Variants in FOXP2 observed in about 807,000 individuals in gnomAD.
FOXP2 encodes forkhead box P2.
Under a neutral mutation model 115.8 loss-of-function variants are expected in FOXP2, and 12 were observed. The ratio of observed to expected loss-of-function variants is 0.10; its 90% confidence interval spans 0.07 to 0.17. FOXP2 has a LOEUF of 0.17. Ranked by LOEUF, FOXP2 falls within the 10% of genes least tolerant of loss-of-function variation. The pLI is 1.00. For synonymous variants in FOXP2, 328 were observed against 297.7 expected, an observed-to-expected ratio of 1.10 and a Z score of -1.05; for missense variants, 629 against 843.5, an observed-to-expected ratio of 0.75 and a Z score of 3.15.
chr7:114,482,836 T>C (rs984621317), intron 2 of FOXP2, among the ~76,000 whole-genome samples: 9 of 151,694 alleles, frequency 5.9e-5, no homozygotes, highest in Non-Finnish European at 1.3e-4. Context: ...AATGGAGACA[T>C]GGTTTTAATG....
Position 114,134,617 on chromosome 7 carries a change from G to A in FOXP2, c.-246-28327G>A, listed in dbSNP as rs1427481499. The stretch of plus-strand genomic sequence containing the variant: ...AGTCCCAGCTACTTGGGAGGCTGAG[G>A]CAGGAGAATGGCGTGAACCCGGGAG... On this transcript the variant is annotated intron_variant, in intron 1 of 19. Coordinates refer to the FOXP2 transcript ENST00000635638. Among the ~76,000 whole-genome samples, 14 of 150,536 alleles carry A rather than the reference G, an allele frequency of 9.3e-5. 1 individual carries two copies. The highest frequency in any genetic ancestry group is 9.3e-4 in the Admixed American group (14 of 15,124).
At chr7:114,251,500 A>G (rs1169949950) in intron 1 of FOXP2, among the ~76,000 whole-genome samples, 1 of 152,164 alleles carries the variant, frequency 6.6e-6, no homozygotes, top group Non-Finnish European at 1.5e-5. Context: ...TTCTCCTCGA[A>G]GAAATACTTC....
At chr7:114,124,896 C>G (rs1289321447) in intron 1 of FOXP2, among the ~76,000 whole-genome samples, 1 of 152,032 alleles carries the variant, frequency 6.6e-6, no homozygotes, top group Non-Finnish European at 1.5e-5. Context: ...CATGATTACT[C>G]TAATCCTCAC....
chr7:114,211,443 G>T (rs1794346366), intron 1 of FOXP2, among the ~76,000 whole-genome samples: 1 of 152,214 alleles, frequency 6.6e-6, no homozygotes, highest in Non-Finnish European at 1.5e-5. Flanking sequence ...CTTGGCTGAG[G>T]GTGGGGGTTC....
At chr7:114,226,544 A>G (rs1412090521) in intron 1 of FOXP2, among the ~76,000 whole-genome samples, 2 of 152,166 alleles carry the variant, frequency 1.3e-5, no homozygotes, top group Non-Finnish European at 2.9e-5. Flanking sequence ...TCATTTTAAC[A>G]TGCTATAGCA....
chr7:114,140,943 A>G (rs1792191016), intron 1 of FOXP2, among the ~76,000 whole-genome samples: 1 of 152,352 alleles, frequency 6.6e-6, no homozygotes, highest in African/African-American at 2.4e-5. Flanking sequence ...AAGACTTTGC[A>G]AAGTATTTGT....
chr7:114,396,315 A>G (rs1264182900), intron 2 of FOXP2, among the ~76,000 whole-genome samples: 1 of 152,112 alleles, frequency 6.6e-6, no homozygotes, highest in African/African-American at 2.4e-5. Flanking sequence ...AATGACTTCC[A>G]GTTCCATCCA....
chr7:114,427,925 T>C (rs1373808488), intron 2 of FOXP2, among the ~76,000 whole-genome samples: 4 of 151,704 alleles, frequency 2.6e-5, no homozygotes, highest in African/African-American at 9.7e-5. Flanking sequence ...ACAATAAGTA[T>C]TAGAAAAACA....
chr7:114,383,795 A>G (rs1321380692), intron 2 of FOXP2, among the ~76,000 whole-genome samples: 1 of 152,116 alleles, frequency 6.6e-6, no homozygotes, highest in African/African-American at 2.4e-5. Flanking sequence ...TTCCCATCTG[A>G]AAAAAGAACA....
At chr7:114,133,512 T>C (rs1253846345) in intron 1 of FOXP2, among the ~76,000 whole-genome samples, 1 of 152,220 alleles carries the variant, frequency 6.6e-6, no homozygotes, top group Non-Finnish European at 1.5e-5. Context: ...GACTGAGCCC[T>C]GGGGCGTTCC....
chr7:114,309,871 C>T (rs1461906340), intron 2 of FOXP2, among the ~76,000 whole-genome samples: 1 of 150,894 alleles, frequency 6.6e-6, no homozygotes, highest in Non-Finnish European at 1.5e-5. Flanking sequence ...TGCTATATTG[C>T]CCAGGCTTGT....
At chr7:114,538,665 A>G (rs896665846) in intron 3 of FOXP2, among the ~76,000 whole-genome samples, 1 of 151,706 alleles carries the variant, frequency 6.6e-6, no homozygotes, top group African/African-American at 2.4e-5. Context: ...TAACTGATGA[A>G]CAAGATCTTA....
intron 1 of FOXP2, among the ~76,000 whole-genome samples, chr7:114,267,389 A>G (rs2129172241): frequency 6.6e-6 from 1 of 152,222 alleles, no homozygotes; most frequent in East Asian, 1.9e-4. Context: ...TTATTTTTAG[A>G]TATTCGCTCT....
chr7:114,641,538 T>C (rs1805527032), intron 6 of FOXP2, among the ~76,000 whole-genome samples: 1 of 152,136 alleles, frequency 6.6e-6, no homozygotes, highest in African/African-American at 2.4e-5. Context: ...TTTAGCTATT[T>C]AGTTCATCCC....
Position 114,263,658 on chromosome 7 carries a change from C to G in FOXP2, c.-101-24361C>G, listed in dbSNP as rs531743085. On this transcript the variant is annotated intron_variant, in intron 1 of 17. Coordinates refer to the FOXP2 transcript ENST00000634411. ...AATCAGTCCCACCTTGAAATGTATT[C>G]TTCCTTTGGCCTCCTATACCATCCT... 5.3e-5 allele frequency among the ~76,000 whole-genome samples: 8 copies of G among 151,664 alleles called. No individual in the cohort carries two copies. The East Asian group carries it at 1.6e-3, about 30-fold the overall frequency.
At chr7:114,537,702 C>T (rs1799465566) in intron 3 of FOXP2, among the ~76,000 whole-genome samples, 1 of 151,638 alleles carries the variant, frequency 6.6e-6, no homozygotes, top group South Asian at 2.1e-4. Flanking sequence ...AACATCACAT[C>T]TGACAAGCTT....
intron 2 of FOXP2, among the ~76,000 whole-genome samples, chr7:114,516,120 G>A (rs892832577): frequency 2.0e-5 from 3 of 152,124 alleles, no homozygotes; most frequent in African/African-American, 7.2e-5. Flanking sequence ...TAAGCCAAAA[G>A]AACAAAGCTG....
intron 3 of FOXP2, among the ~76,000 whole-genome samples, chr7:114,559,654 G>A (rs536464995): frequency 1.3e-5 from 2 of 152,086 alleles, no homozygotes; most frequent in African/African-American, 2.4e-5. Flanking sequence ...AGGCCAAGGC[G>A]GGCAGATCAC....
At chr7:114,287,139 A>G (rs994106713) in intron 1 of FOXP2, among the ~76,000 whole-genome samples, 1 of 151,956 alleles carries the variant, frequency 6.6e-6, no homozygotes, top group African/African-American at 2.4e-5. Context: ...CCCATTTACT[A>G]TCTATAACAG....
Sources: gnomAD v4.1 joint callset for allele counts (sites outside exome capture counted in the v4.1 genomes callset) on GRCh38, gnomAD v4.1.1 for gene constraint, MANE v1.5 for transcripts, NCBI Gene and HGNC (gene_info 2026-07-23, HGNC 2026-07-21) for gene names.